Variants in NTRK2 observed in about 807,000 individuals in gnomAD.
The protein encoded by NTRK2 is neurotrophic receptor tyrosine kinase 2.
NTRK2 carries 13 observed loss-of-function variants against 94.5 expected under a neutral mutation model. The observed-to-expected ratio is 0.14, with a 90% CI of 0.09 to 0.22. The LOEUF (loss-of-function observed/expected upper bound fraction) is 0.22. Among genes scored for constraint, NTRK2 ranks in the 10% least tolerant of loss-of-function variants. The pLI is 1.00. For synonymous variants in NTRK2, 372 were observed against 407.4 expected (o/e 0.91, Z 1.05); for missense variants, 639 against 1,071.2 (o/e 0.60, Z 5.63).
At chr9:85,014,121 G>A (rs1432510728) in intron 17 of NTRK2, among the ~76,000 whole-genome samples, 2 of 152,196 alleles carry the variant, frequency 1.3e-5, no homozygotes, top group East Asian at 3.9e-4. Context: ...AGAGACAAAT[G>A]AGAAAAGACT....
chr9:84,906,046 A>G (rs1241008820), intron 14 of NTRK2, among the ~76,000 whole-genome samples: 1 of 152,202 alleles, frequency 6.6e-6, no homozygotes, highest in African/African-American at 2.4e-5. Context: ...CAAAAGAGAC[A>G]TCCCAAAGGA....
At chr9:84,740,621 A>G (rs1033134224) in intron 9 of NTRK2, among the ~76,000 whole-genome samples, 1 of 152,222 alleles carries the variant, frequency 6.6e-6, no homozygotes, top group African/African-American at 2.4e-5. Flanking sequence ...AGGTGATGTT[A>G]TTCACATGGA....
At chr9:84,776,353 C>A (rs372132687) in intron 12 of NTRK2, among the ~76,000 whole-genome samples, 1 of 152,134 alleles carries the variant, frequency 6.6e-6, no homozygotes, top group African/African-American at 2.4e-5. Context: ...TCCTGAGTAG[C>A]TGAGATTACA....
rs536816340 is a variant in NTRK2 at position 85,009,540 on chromosome 9, G to C, written c.2173-10666G>C. On this transcript the variant is annotated intron_variant, in intron 17 of 18. Coordinates refer to ENST00000277120, the MANE Select transcript of NTRK2 (RefSeq NM_006180.6). ...CTTGTAGCATGTGCACTTTTTATGGGTATATTTTATCTGTAAGTATATCTA... is the reference window on the plus strand; with the variant it reads ...CTTGTAGCATGTGCACTTTTTATGGCTATATTTTATCTGTAAGTATATCTA... Among the ~76,000 whole-genome samples, 25 of 152,192 alleles carry C rather than the reference G, an allele frequency of 1.6e-4. 1 individual carries two copies. The South Asian group carries it at 4.8e-3, about 29-fold the overall frequency.
chr9:84,841,493 A>T (rs758764733), intron 12 of NTRK2, among the ~76,000 whole-genome samples: 3 of 152,110 alleles, frequency 2.0e-5, no homozygotes, highest in African/African-American at 7.2e-5. Flanking sequence ...TCTCTCCTAG[A>T]ATATCTGGCC....
chr9:84,810,439 T>A (rs1371597951), intron 12 of NTRK2: 1 of 1,053,380 alleles, frequency 9.5e-7, no homozygotes, highest in Non-Finnish European at 1.4e-6. Flanking sequence ...TCATTTTTGA[T>A]GTTTATTTAT....
At chr9:84,862,325 G>A (rs1264317826) in intron 13 of NTRK2, among the ~76,000 whole-genome samples, 1 of 152,194 alleles carries the variant, frequency 6.6e-6, no homozygotes, top group Non-Finnish European at 1.5e-5. Context: ...CGGGTTTGAT[G>A]TGTATGCGTG....
chr9:85,001,200 G>A (rs1461534174), intron 17 of NTRK2, among the ~76,000 whole-genome samples: 1 of 152,144 alleles, frequency 6.6e-6, no homozygotes, highest in Non-Finnish European at 1.5e-5. Flanking sequence ...TTAGGGCCTG[G>A]AGGAGGGACT....
At chr9:84,876,258 A>G (rs1457418723) in intron 14 of NTRK2, 2 of 1,043,308 alleles carry the variant, frequency 1.9e-6, no homozygotes, top group Non-Finnish European at 2.3e-6. Flanking sequence ...CAGTTATATC[A>G]AAACAGCTAG....
chr9:84,918,617 A>G (rs981362995), intron 14 of NTRK2, among the ~76,000 whole-genome samples: 2 of 152,242 alleles, frequency 1.3e-5, no homozygotes, highest in Non-Finnish European at 2.9e-5. Context: ...GTTTTTTAAC[A>G]AACTCTTTGC....
chr9:84,717,621 A>C (rs1390903253), intron 6 of NTRK2, among the ~76,000 whole-genome samples: 1 of 152,244 alleles, frequency 6.6e-6, no homozygotes, highest in Non-Finnish European at 1.5e-5. Flanking sequence ...TAGAAATATT[A>C]ATGGCACCTA....
intron 17 of NTRK2, among the ~76,000 whole-genome samples, chr9:84,996,189 G>A (rs527847962): frequency 9.9e-5 from 15 of 152,210 alleles, no homozygotes; most frequent in South Asian, 8.3e-4. Flanking sequence ...TATTAACCTC[G>A]GGAAAAAGCC....
At chr9:84,894,688 C>A (rs900591976) in intron 14 of NTRK2, among the ~76,000 whole-genome samples, 19 of 152,230 alleles carry the variant, frequency 1.2e-4, no homozygotes, top group Admixed American at 1.2e-3. Flanking sequence ...GACTAACTTA[C>A]AAATATATCT....
At chr9:84,812,026 A>G in intron 12 of NTRK2, 2 of 1,060,496 alleles carry the variant, frequency 1.9e-6, no homozygotes, top group Non-Finnish European at 2.3e-6. Context: ...CAGACGCCAT[A>G]GCTGGATTGG....
intron 12 of NTRK2, among the ~76,000 whole-genome samples, chr9:84,771,777 G>T (rs78358998): frequency 6.6e-6 from 1 of 152,056 alleles, no homozygotes; most frequent in Non-Finnish European, 1.5e-5. Flanking sequence ...GTGTGATCGT[G>T]TGTAATCATC....
chr9:84,980,243 C>A (rs1378658298), intron 17 of NTRK2, among the ~76,000 whole-genome samples: 2 of 152,142 alleles, frequency 1.3e-5, no homozygotes, highest in Non-Finnish European at 2.9e-5. Context: ...AATTGCATTA[C>A]TATAATTAGC....
intron 2 of NTRK2, among the ~76,000 whole-genome samples, chr9:84,689,837 A>G (rs573382827): frequency 6.5e-4 from 99 of 152,280 alleles, no homozygotes; most frequent in Non-Finnish European, 1.2e-3. Context: ...TTCTGTCTCT[A>G]TGAATTTGAC....
At chr9:84,810,529 G>C (rs914906981) in intron 12 of NTRK2, 5 of 1,610,294 alleles carry the variant, frequency 3.1e-6, no homozygotes, top group Non-Finnish European at 4.2e-6. Flanking sequence ...GTTTTATTTT[G>C]TGTTTCTTTT....
intron 12 of NTRK2, among the ~76,000 whole-genome samples, chr9:84,782,587 T>G (rs1472136529): frequency 1.3e-5 from 2 of 152,228 alleles, no homozygotes. Context: ...TGAAAGCTGA[T>G]GTTCTGCATA....
Sources: gnomAD v4.1 joint callset for allele counts (sites outside exome capture counted in the v4.1 genomes callset) on GRCh38, gnomAD v4.1.1 for gene constraint, MANE v1.5 for transcripts, NCBI Gene and HGNC (gene_info 2026-07-23, HGNC 2026-07-21) for gene names.